Variants in SEMA5A observed in about 807,000 individuals in gnomAD.
SEMA5A encodes the protein semaphorin 5A.
Under a neutral mutation model 135.5 loss-of-function variants are expected in SEMA5A, and 55 were observed. The ratio of observed to expected loss-of-function variants is 0.41; its 90% CI spans 0.33 to 0.51. SEMA5A has a LOEUF of 0.51. Ranked by LOEUF, SEMA5A falls within the 20% of genes least tolerant of loss-of-function variation. The pLI is 0.37. For synonymous variants in SEMA5A, 580 were observed against 546.5 expected (o/e 1.06, Z -0.85); for missense variants, 1,290 against 1,419.9 (o/e 0.91, Z 1.47).
rs73034712 is a variant in SEMA5A, at chr5:9,408,671, T to G, written c.-77-28648A>C. On this transcript the variant is annotated intron_variant, in intron 2 of 22. Transcript: ENST00000382496. ...AACACAACGGTTACTATTATTATCC[T>G]CATTTTTCATATGAAGAAACTGAGG... Among the ~76,000 whole-genome samples, 1,379 of 152,238 alleles carry G rather than the reference T, an allele frequency of 9.1e-3. 27 individuals carry two copies. Among genetic ancestry groups the G allele is most frequent in the African/African-American group, 0.031 (1,306 of 41,534 alleles).
chr5:9,376,040 C>T (rs1470097291), intron 3 of SEMA5A, among the ~76,000 whole-genome samples: 1 of 152,140 alleles, frequency 6.6e-6, no homozygotes, highest in African/African-American at 2.4e-5. Context: ...CTCAACCACA[C>T]TCCTTTCCAA....
chr5:9,164,144 TTATAAA>T (rs1234074590), intron 11 of SEMA5A, among the ~76,000 whole-genome samples: 1 of 133,144 alleles, frequency 7.5e-6, no homozygotes, highest in African/African-American at 2.8e-5. Flanking sequence ...ATTTATATAA[TTATAAA>T]TATATCATAT....
intron 16 of SEMA5A, among the ~76,000 whole-genome samples, chr5:9,077,358 TG>T (rs910833031): frequency 2.6e-5 from 4 of 152,348 alleles, no homozygotes; most frequent in South Asian, 2.1e-4. Context: ...CTAGTTACTC[TG>T]GGGAGAGGTT....
chr5:9,094,740 A>T (rs910115452), intron 16 of SEMA5A, among the ~76,000 whole-genome samples: 3 of 152,240 alleles, frequency 2.0e-5, no homozygotes, highest in Non-Finnish European at 4.4e-5. Context: ...AATAATCTCA[A>T]ATAGGGCAAT....
chr5:9,283,629 G>A (rs1418254524), intron 5 of SEMA5A, among the ~76,000 whole-genome samples: 1 of 152,118 alleles, frequency 6.6e-6, no homozygotes, highest in Non-Finnish European at 1.5e-5. Flanking sequence ...TCAAGGGGAG[G>A]GGATGATATA....
In SEMA5A at chr5:9,042,346, C is replaced by T. The variant is rs75975896; in HGVS notation, c.*551G>A. The T allele has an allele frequency of 0.052, 8,000 of 153,660 alleles. 302 individuals carry two copies. Among genetic ancestry groups the T allele is most frequent in the Middle Eastern group, 0.12 (37 of 298 alleles). The allele number at this position is 153,660 out of a possible 1,614,324, so 9.5% of individuals were successfully genotyped here. ...AGGTGGAATTCCTGGGCTTCCCAGG[C>T]AAGATGAAAACACTCAAGCTGCTTC... On this transcript the variant is annotated 3_prime_UTR_variant, in exon 23 of 23. Coordinates refer to ENST00000382496, the MANE Select transcript of SEMA5A (RefSeq NM_003966.3).
At chr5:9,199,129 T>C (rs1296046834) in intron 9 of SEMA5A, among the ~76,000 whole-genome samples, 2 of 152,140 alleles carry the variant, frequency 1.3e-5, no homozygotes, top group East Asian at 3.9e-4. Context: ...AGGAAGAACC[T>C]AATCTTCTTC....
rs575961166 is a variant in SEMA5A at position 9,362,000 on chromosome 5, T to C, written c.124+17823A>G. 3.9e-5 allele frequency among the ~76,000 whole-genome samples: 6 copies of C among 152,326 alleles called. No individual in the cohort carries two copies. In the South Asian group the frequency reaches 8.3e-4, roughly 21 times the overall value. On this transcript the variant is annotated intron_variant, in intron 3 of 22. Coordinates refer to ENST00000382496, the MANE Select transcript of SEMA5A (RefSeq NM_003966.3). Reference sequence around the variant, plus strand: ...CCTGCTGGCAAGGAAGGTTCTTATTTGGGTACCTCGTGGGAACCTAGAAAG... The same window carrying C: ...CCTGCTGGCAAGGAAGGTTCTTATTCGGGTACCTCGTGGGAACCTAGAAAG...
intron 5 of SEMA5A, among the ~76,000 whole-genome samples, chr5:9,298,951 T>G (rs1482328705): frequency 6.6e-6 from 1 of 152,232 alleles, no homozygotes; most frequent in Non-Finnish European, 1.5e-5. Context: ...TCAGTCTAGA[T>G]GCATACTTCC....
At chr5:9,321,848 A>C (rs1437247554) in intron 4 of SEMA5A, among the ~76,000 whole-genome samples, 3 of 152,180 alleles carry the variant, frequency 2.0e-5, no homozygotes, top group Non-Finnish European at 4.4e-5. Context: ...TTGCTTACTC[A>C]CACACATACA....
intron 5 of SEMA5A, among the ~76,000 whole-genome samples, chr5:9,275,253 A>G (rs1750196269): frequency 6.6e-6 from 1 of 151,534 alleles, no homozygotes; most frequent in Non-Finnish European, 1.5e-5. Flanking sequence ...AAGTTCCTGG[A>G]CACATACACC....
intron 11 of SEMA5A, among the ~76,000 whole-genome samples, chr5:9,165,638 T>C (rs756331679): frequency 6.6e-6 from 1 of 152,208 alleles, no homozygotes; most frequent in Admixed American, 6.5e-5. Context: ...TCTGCCGCTA[T>C]GTCCAAGAGG....
chr5:9,145,526 G>C (rs1742280954), intron 12 of SEMA5A, among the ~76,000 whole-genome samples: 1 of 152,152 alleles, frequency 6.6e-6, no homozygotes, highest in African/African-American at 2.4e-5. Context: ...TCAGGTGCAG[G>C]GGTCTGGAGC....
intron 16 of SEMA5A, among the ~76,000 whole-genome samples, chr5:9,107,839 G>C (rs1354939519): frequency 6.6e-6 from 1 of 152,098 alleles, no homozygotes; most frequent in Non-Finnish European, 1.5e-5. Flanking sequence ...TGTGTGAGAG[G>C]ACCTGGTACC....
At chr5:9,352,134 T>G (rs1318546463) in intron 3 of SEMA5A, among the ~76,000 whole-genome samples, 1 of 149,562 alleles carries the variant, frequency 6.7e-6, no homozygotes, top group African/African-American at 2.5e-5. Flanking sequence ...TTTACTAATA[T>G]CTGTGTTCTC....
intron 2 of SEMA5A, among the ~76,000 whole-genome samples, chr5:9,424,886 G>C (rs193222451): frequency 2.0e-5 from 3 of 152,266 alleles, no homozygotes; most frequent in South Asian, 2.1e-4. Flanking sequence ...TCATCTGTGA[G>C]AGCTTCAAGC....
chr5:9,472,118 A>G (rs1433451190), intron 1 of SEMA5A, among the ~76,000 whole-genome samples: 6 of 152,242 alleles, frequency 3.9e-5, no homozygotes. Flanking sequence ...TTAACATTAG[A>G]AAAAAGCTAT....
In SEMA5A at chr5:9,297,347, C is replaced by A. The variant is rs114366279; in HGVS notation, c.270+21025G>T. ...CTCTGAGAAATTCATATGTTGAAAT[C>A]CTAACCTCTCAAGGCCTGCAGGTGG... On this transcript the variant is annotated intron_variant, in intron 5 of 22. Coordinates refer to ENST00000382496, the MANE Select transcript of SEMA5A (RefSeq NM_003966.3). Among the ~76,000 whole-genome samples, 827 of 152,060 alleles carry A rather than the reference C, an allele frequency of 5.4e-3. 7 individuals are homozygous for A. The highest frequency in any genetic ancestry group is 0.019 in the African/African-American group (776 of 41,442).
chr5:9,356,886 C>A (rs554102800), intron 3 of SEMA5A, among the ~76,000 whole-genome samples: 1 of 152,304 alleles, frequency 6.6e-6, no homozygotes, highest in East Asian at 1.9e-4. Flanking sequence ...TTTGTCTCTT[C>A]CACTGAAACG....
Sources: gnomAD v4.1 joint callset for allele counts (sites outside exome capture counted in the v4.1 genomes callset) on GRCh38, gnomAD v4.1.1 for gene constraint, MANE v1.5 for transcripts, NCBI Gene and HGNC (gene_info 2026-07-23, HGNC 2026-07-21) for gene names.